Variants in RPS6KC1 observed in about 807,000 individuals in gnomAD.
RPS6KC1 encodes ribosomal protein S6 kinase C1, also known as inactive ribosomal protein S6 kinase delta-1.
Under a neutral mutation model 103.8 loss-of-function variants are expected in RPS6KC1, and 54 were observed. That is an observed-to-expected ratio of 0.52 (90% CI 0.42 to 0.65). RPS6KC1 has a LOEUF of 0.65. Ranked by LOEUF, RPS6KC1 falls within the 30% of genes least tolerant of loss-of-function variation. The pLI is 0.00. For synonymous variants in RPS6KC1, 439 were observed against 438.7 expected, an observed-to-expected ratio of 1.00 and a Z score of -0.01; for missense variants, 1,151 against 1,253.8, an observed-to-expected ratio of 0.92 and a Z score of 1.24.
the RPS6KC1 span, among the ~76,000 whole-genome samples, chr1:213,803,137 T>C: frequency 1.3e-5 from 2 of 152,208 alleles, no homozygotes; most frequent in East Asian, 1.9e-4. Flanking sequence ...TCAGGCTTGA[T>C]TCTATATGAC....
chr1:213,129,919 A>T, intron 6 of RPS6KC1, 30 bp downstream of exon 6: 2 of 1,544,870 alleles, frequency 1.3e-6, no homozygotes, highest in Non-Finnish European at 1.7e-6. Flanking sequence ...ATGTTTTGGC[A>T]TGCTCTTTTG....
chr1:213,263,813 A>T (rs2094853107), intron 14 of RPS6KC1, among the ~76,000 whole-genome samples: 1 of 152,318 alleles, frequency 6.6e-6, no homozygotes, highest in Admixed American at 6.5e-5. Flanking sequence ...AAAGAGTTTT[A>T]AAAAATACTG....
chr1:213,472,981 C>T, the RPS6KC1 span, among the ~76,000 whole-genome samples: 1 of 152,188 alleles, frequency 6.6e-6, no homozygotes, highest in Non-Finnish European at 1.5e-5. Context: ...CATAGCAGTC[C>T]ATGCTGGTGC....
the RPS6KC1 span, among the ~76,000 whole-genome samples, chr1:213,362,547 G>A: frequency 6.6e-6 from 1 of 152,194 alleles, no homozygotes; most frequent in Non-Finnish European, 1.5e-5. Context: ...GCTCAAGTCA[G>A]CACTCTTTCC....
chr1:213,846,726 T>C, the RPS6KC1 span, among the ~76,000 whole-genome samples: 2 of 152,170 alleles, frequency 1.3e-5, no homozygotes, highest in African/African-American at 4.8e-5. Context: ...TTCTATCTAG[T>C]TTTTTAAAAT....
At chr1:213,085,623 C>G (rs150889164) in intron 3 of RPS6KC1, among the ~76,000 whole-genome samples, 2 of 152,172 alleles carry the variant, frequency 1.3e-5, no homozygotes, top group Non-Finnish European at 2.9e-5. Flanking sequence ...ATTCCTGTAC[C>G]TCTCCACCTT....
At chr1:213,816,897 T>C in the RPS6KC1 span, among the ~76,000 whole-genome samples, 1 of 152,212 alleles carries the variant, frequency 6.6e-6, no homozygotes, top group Non-Finnish European at 1.5e-5. Context: ...GGGGAACCCT[T>C]GCAACCATGC....
the RPS6KC1 span, among the ~76,000 whole-genome samples, chr1:213,535,814 G>C: frequency 3.9e-5 from 6 of 152,252 alleles, 1 homozygote; most frequent in African/African-American, 1.4e-4. Context: ...GGCGCGAGGA[G>C]TCCCCCTCTT....
At chr1:213,350,121 C>G in the RPS6KC1 span, among the ~76,000 whole-genome samples, 1 of 152,130 alleles carries the variant, frequency 6.6e-6, no homozygotes, top group Non-Finnish European at 1.5e-5. Context: ...CTGGCTAAAA[C>G]CTTGATCCTG....
the RPS6KC1 span, among the ~76,000 whole-genome samples, chr1:213,344,384 G>A: frequency 5.7e-4 from 87 of 152,218 alleles, 1 homozygote; most frequent in South Asian, 8.9e-3. Context: ...AAGAGAATTT[G>A]GAAATATTAA....
the RPS6KC1 span, among the ~76,000 whole-genome samples, chr1:213,509,713 G>A: frequency 2.6e-5 from 4 of 152,208 alleles, no homozygotes; most frequent in African/African-American, 9.6e-5. Flanking sequence ...AGGGTAAGCA[G>A]TACCTTCATT....
At chr1:213,176,925 T>C (rs531922550) in intron 8 of RPS6KC1, among the ~76,000 whole-genome samples, 33 of 152,364 alleles carry the variant, frequency 2.2e-4, no homozygotes, top group African/African-American at 7.5e-4. Flanking sequence ...TTTTATATGA[T>C]ACAATCTTTC....
chr1:213,476,846 G>T, the RPS6KC1 span, among the ~76,000 whole-genome samples: 1 of 152,228 alleles, frequency 6.6e-6, no homozygotes, highest in Non-Finnish European at 1.5e-5. Context: ...GATTTACAGA[G>T]AATCATTGCA....
At chr1:213,252,240 G>T (rs2094558477) in intron 12 of RPS6KC1, among the ~76,000 whole-genome samples, 1 of 152,214 alleles carries the variant, frequency 6.6e-6, no homozygotes, top group Non-Finnish European at 1.5e-5. Flanking sequence ...AACAGATGCT[G>T]CAGGGAAAGA....
At chr1:213,591,712 G>T in the RPS6KC1 span, among the ~76,000 whole-genome samples, 1 of 152,140 alleles carries the variant, frequency 6.6e-6, no homozygotes, top group Non-Finnish European at 1.5e-5. Flanking sequence ...TTATTAGGGG[G>T]GTGCTTTTGG....
chr1:213,487,119 T>C, the RPS6KC1 span, among the ~76,000 whole-genome samples: 41 of 152,218 alleles, frequency 2.7e-4, no homozygotes, highest in African/African-American at 9.6e-4. Context: ...ATAACTACAA[T>C]AGGCCAGGCA....
the RPS6KC1 span, among the ~76,000 whole-genome samples, chr1:213,657,760 C>T: frequency 1.3e-5 from 2 of 152,314 alleles, no homozygotes; most frequent in South Asian, 4.1e-4. Flanking sequence ...TTTTTTGCTG[C>T]TCTTACAACA....
At chr1:213,168,031 C>G in intron 7 of RPS6KC1, 58 bp downstream of exon 7, 1 of 1,036,598 alleles carries the variant, frequency 9.6e-7, no homozygotes, top group South Asian at 1.4e-5. Context: ...TCTGGTCTCT[C>G]TGCTTTATTT....
At chr1:213,260,729 A>C (rs1358376052) in intron 12 of RPS6KC1, among the ~76,000 whole-genome samples, 1 of 147,212 alleles carries the variant, frequency 6.8e-6, no homozygotes, top group Non-Finnish European at 1.5e-5. Flanking sequence ...TTAGGAAAGC[A>C]CAAGATAATG....
Sources: allele counts gnomAD v4.1 joint callset (sites outside exome capture counted in the v4.1 genomes callset), GRCh38; gene constraint gnomAD v4.1.1; transcripts MANE v1.5; gene names NCBI Gene and HGNC (gene_info 2026-07-23, HGNC 2026-07-21).